Variants in LARP1 observed in about 807,000 individuals in gnomAD.
LARP1 encodes the protein La ribonucleoprotein 1, translational regulator, also known as la-related protein 1.
In LARP1, 36 loss-of-function variants were observed where a neutral mutation model predicts 122.7. That is an observed-to-expected ratio of 0.29 (90% CI 0.22 to 0.39). The LOEUF is 0.39. LARP1 is among the 10% of genes least tolerant of loss of function. The pLI is 1.00. For missense variants in LARP1, 1,040 were observed against 1,403.6 expected, an observed-to-expected ratio of 0.74 and a Z score of 4.14; for synonymous variants, 539 against 528.7, an observed-to-expected ratio of 1.02 and a Z score of -0.27.
At chr5:154,787,674 C>T (rs910119274) in intron 1 of LARP1, among the ~76,000 whole-genome samples, 1 of 152,116 alleles carries the variant, frequency 6.6e-6, no homozygotes, top group Non-Finnish European at 1.5e-5. Flanking sequence ...TTCTCCTTGT[C>T]AGGGGCAACC....
chr5:154,734,146 A>G (rs533185232), intron 1 of LARP1, among the ~76,000 whole-genome samples: 1 of 152,044 alleles, frequency 6.6e-6, no homozygotes, highest in African/African-American at 2.4e-5. Flanking sequence ...CAGCCTGGGC[A>G]ACAAAAGTGA....
chr5:154,781,510 G>A (rs548588456), intron 1 of LARP1, among the ~76,000 whole-genome samples: 78 of 152,040 alleles, frequency 5.1e-4, no homozygotes, highest in African/African-American at 1.7e-3. Context: ...GGAGAATGGC[G>A]TGATCCTGGG....
upstream of LARP1, among the ~76,000 whole-genome samples, chr5:154,708,995 A>G (rs920413814): frequency 6.6e-6 from 1 of 152,156 alleles, no homozygotes; most frequent in African/African-American, 2.4e-5. Context: ...ACATTGGTAG[A>G]CTCGTCAACC....
At chr5:154,752,657 G>C (rs760593907), upstream of LARP1, among the ~76,000 whole-genome samples, 2 of 151,904 alleles carry the variant, frequency 1.3e-5, no homozygotes. Flanking sequence ...ATGTTGTCTC[G>C]GCCGGGCATG....
At position 154,813,917 on chromosome 5, in the gene LARP1, C is replaced by T. The variant is rs1759484823; in HGVS notation, c.3112C>T (p.Arg1038Ter). The change falls in exon 19 of 19, where the codon CGA becomes TGA. Residue 1038 changes from arginine (R) to a stop codon, truncating the protein, a stop_gained. Transcript: ENST00000518297. LOFTEE classifies it high-confidence loss of function. ...PPMGEEGNHK[R>*]HSVVAGGGGG... ...CATGGGTGAGGAGGGCAACCACAAG[C>T]GACACTCAGTGGTAGCAGGAGGTGG... 3.7e-6 allele frequency: 6 copies of T among 1,613,926 alleles called. No homozygotes were observed. The highest frequency in any genetic ancestry group is 1.3e-5 in the African/African-American group (1 of 74,872).
chr5:154,760,222 C>T (rs1186900756), intron 1 of LARP1, among the ~76,000 whole-genome samples: 2 of 152,164 alleles, frequency 1.3e-5, no homozygotes, highest in Non-Finnish European at 1.5e-5. Context: ...GGATTACAGG[C>T]GTGAGCCACC....
intron 18 of LARP1, among the ~76,000 whole-genome samples, chr5:154,812,627 C>T (rs1759376262): frequency 6.6e-6 from 1 of 150,852 alleles, no homozygotes; most frequent in African/African-American, 2.4e-5. Context: ...TTAAGTGATT[C>T]TCCTGCATTA....
intron 1 of LARP1, among the ~76,000 whole-genome samples, chr5:154,759,945 T>G (rs962466303): frequency 7.0e-6 from 1 of 143,734 alleles, no homozygotes; most frequent in African/African-American, 2.7e-5. Flanking sequence ...GTTTGTTTGT[T>G]TGTTTGTTTT....
intron 14 of LARP1, 40 bp downstream of exon 14, chr5:154,804,347 T>G (rs746421372): frequency 2.4e-5 from 34 of 1,402,582 alleles, no homozygotes; most frequent in Admixed American, 6.9e-5. Context: ...AGGCTGCCTA[T>G]GGGATGGGTG....
intron 1 of LARP1, among the ~76,000 whole-genome samples, chr5:154,783,197 G>A (rs1030559594): frequency 1.3e-5 from 2 of 152,186 alleles, no homozygotes; most frequent in East Asian, 1.9e-4. Flanking sequence ...CACAATCCAT[G>A]TCAGCTGGAT....
intron 14 of LARP1, chr5:154,805,227 T>C: frequency 4.0e-6 from 1 of 247,862 alleles, no homozygotes; most frequent in Non-Finnish European, 8.0e-6. Flanking sequence ...AAAATAAAAG[T>C]TAAAATCATA....
In LARP1 at chr5:154,755,484, GC is replaced by G; in HGVS notation, c.-273del. 17 of 936,340 alleles carry G rather than the reference GC, an allele frequency of 1.8e-5. No homozygotes were observed. The highest frequency in any genetic ancestry group is 2.2e-5 in the Non-Finnish European group (17 of 783,972). 58.0% of individuals were successfully genotyped at this position (936,340 alleles called of 1,614,324 possible). On this transcript the variant is annotated 5_prime_UTR_variant, in exon 1 of 19. Transcript: ENST00000518297. ...GCCGGGCTCGGGGTGGGGGCGTCTT[GC>G]GAGGAACGGGCGGGGGGGGACGCAC...
At chr5:154,807,790 G>GCAGT in intron 15 of LARP1, among the ~76,000 whole-genome samples, 1 of 152,200 alleles carries the variant, frequency 6.6e-6, no homozygotes, top group African/African-American at 2.4e-5. Context: ...CTGGCCTTAA[G>GCAGT]CAGTCCTCCC....
chr5:154,705,600 C>G (rs895794345), intron 1 of LARP1: 2 of 152,142 alleles, frequency 1.3e-5, no homozygotes, highest in African/African-American at 4.8e-5. Flanking sequence ...TCTCGAACTC[C>G]TGACCTCAGG....
intron 1 of LARP1, among the ~76,000 whole-genome samples, chr5:154,730,107 T>TA (rs1403732635): frequency 3.3e-5 from 5 of 152,210 alleles, no homozygotes; most frequent in Non-Finnish European, 7.3e-5. Context: ...ATAACACCAA[T>TA]ATTGCAAGCA....
chr5:154,783,517 A>G (rs917111508), intron 1 of LARP1, among the ~76,000 whole-genome samples: 1 of 152,208 alleles, frequency 6.6e-6, no homozygotes, highest in African/African-American at 2.4e-5. Context: ...GTTGTAACTT[A>G]TACCCCTTAG....
rs974140202 is a variant in LARP1 at position 154,755,649 on chromosome 5, G to A, written c.-109G>A. The A allele has an allele frequency of 3.3e-5, 33 of 987,546 alleles. No homozygotes were observed. Among genetic ancestry groups the A allele is most frequent in the Admixed American group, 1.8e-4 (3 of 16,268 alleles). The allele number at this position is 987,546 out of a possible 1,614,324, so 61.2% of individuals were successfully genotyped here. A position where few individuals can be genotyped will look rare whatever the true frequency, so the allele number is the denominator to read the frequency against. On this transcript the variant is annotated 5_prime_UTR_variant, in exon 1 of 19. Transcript: ENST00000518297. ...ACCCCGACCCTTCTCTGCAGGGACTGGGGCCCAGCGCCCCGGAGGAAGGCG... is the reference window on the plus strand; with the variant it reads ...ACCCCGACCCTTCTCTGCAGGGACTAGGGCCCAGCGCCCCGGAGGAAGGCG...
intron 17 of LARP1, 49 bp downstream of exon 17, chr5:154,811,405 T>G: frequency 6.2e-7 from 1 of 1,604,420 alleles, no homozygotes; most frequent in South Asian, 1.1e-5. Context: ...GTAGGCCTCC[T>G]CTTCCCCAGT....
chr5:154,813,945 G>A lies in LARP1; in HGVS notation c.3140G>A (p.Gly1047Asp). Residue 1047 changes from glycine (G) to aspartate (D), a missense_variant, in exon 19 of 19, where the codon GGC becomes GAC. By Grantham distance (94) the Gly-to-Asp change is moderately conservative (BLOSUM62 -1). Coordinates refer to ENST00000518297, the MANE Select transcript of LARP1 (RefSeq NM_033551.3). ...CACTCAGTGGTAGCAGGAGGTGGCG[G>A]CGGTGAGGGCAGGAAGCGGTGCCCC... is the stretch of plus-strand genomic sequence containing the variant. The part of the protein sequence containing the change: ...KRHSVVAGGG[G>D]GEGRKRCPSQ... The A allele has an allele frequency of 6.2e-7, 1 of 1,614,094 alleles. No homozygotes were observed. The highest frequency in any genetic ancestry group is 2.2e-5 in the East Asian group (1 of 44,872).
Sources: allele counts gnomAD v4.1 joint callset (sites outside exome capture counted in the v4.1 genomes callset), GRCh38; gene constraint gnomAD v4.1.1; transcripts MANE v1.5; gene names NCBI Gene and HGNC (gene_info 2026-07-23, HGNC 2026-07-21).